The following ACSBG1 variants were observed in gnomAD, a reference collection of about 807,000 sequenced individuals.
ACSBG1 encodes the protein long-chain-fatty-acid--CoA ligase ACSBG1.
A neutral mutation model predicts 80.2 loss-of-function variants in ACSBG1; 39 were observed. The ratio of observed to expected loss-of-function variants is 0.49; its 90% CI spans 0.38 to 0.64. The LOEUF (loss-of-function observed/expected upper bound fraction) is 0.64. Among genes scored for constraint, ACSBG1 ranks in the 30% least tolerant of loss-of-function variants. The probability of loss-of-function intolerance (pLI) is 0.00; values close to 1 mark genes in which losing one functional copy is unlikely to be tolerated. For missense variants in ACSBG1, 828 were observed against 966.4 expected (o/e 0.86, Z 1.90); for synonymous variants, 392 against 379.5 (o/e 1.03, Z -0.38).
chr15:78,206,454 G>C (rs562540849), intron 2 of ACSBG1, among the ~76,000 whole-genome samples: 4 of 152,132 alleles, frequency 2.6e-5, no homozygotes, highest in Non-Finnish European at 5.9e-5. Context: ...AAGATTGTCC[G>C]TCTCAGTCTC....
rs531560871 is a variant in ACSBG1, at chr15:78,180,484, A to G, written c.1253+271T>C. 6.2e-4 allele frequency among the ~76,000 whole-genome samples: 94 copies of G among 152,320 alleles called. 1 individual carries two copies. The highest frequency in any genetic ancestry group is 2.1e-3 in the African/African-American group (89 of 41,578). On this transcript the variant is annotated intron_variant, in intron 9 of 13. Coordinates refer to ENST00000258873, the MANE Select transcript of ACSBG1 (RefSeq NM_015162.5). ...TCAGGAGACCTCAGGAGATTGTGCC[A>G]GAAGCTGCTCCTAGGGAGGTGAATT...
At chr15:78,190,128 A>T (rs1286324760) in intron 5 of ACSBG1, among the ~76,000 whole-genome samples, 1 of 152,054 alleles carries the variant, frequency 6.6e-6, no homozygotes, top group East Asian at 1.9e-4. Flanking sequence ...ACTCAGCTGG[A>T]CTGGGTGCAG....
At chr15:78,209,302 C>A (rs1004095749) in intron 1 of ACSBG1, 2 of 445,022 alleles carry the variant, frequency 4.5e-6, no homozygotes, top group African/African-American at 2.0e-5. Context: ...GGGAGGGGGA[C>A]GGGGAGAAGG....
intron 1 of ACSBG1, among the ~76,000 whole-genome samples, chr15:78,227,508 C>A (rs1420807439): frequency 6.6e-6 from 1 of 152,108 alleles, no homozygotes; most frequent in Non-Finnish European, 1.5e-5. Flanking sequence ...AGCAAGATAT[C>A]ACTATTCACC....
chr15:78,195,855 G>A (rs1021467698), intron 2 of ACSBG1, among the ~76,000 whole-genome samples: 4 of 152,140 alleles, frequency 2.6e-5, no homozygotes, highest in African/African-American at 4.8e-5. Context: ...GACCCACCTC[G>A]CCTATTCTCC....
intron 1 of ACSBG1, among the ~76,000 whole-genome samples, chr15:78,223,076 C>T (rs868005316): frequency 5.9e-5 from 9 of 152,180 alleles, no homozygotes; most frequent in African/African-American, 1.7e-4. Flanking sequence ...GGGAAGTAAC[C>T]TATATGGCTT....
intron 9 of ACSBG1, 52 bp from the exon 10 acceptor site, chr15:78,179,832 CACACACACACAT>C (rs2074923769): frequency 2.3e-6 from 3 of 1,316,730 alleles, no homozygotes; most frequent in African/African-American, 1.4e-5. Context: ...CACACACACA[CACACACACACAT>C]ACACACATTA....
intron 5 of ACSBG1, among the ~76,000 whole-genome samples, chr15:78,190,386 A>G (rs2075046603): frequency 1.3e-5 from 2 of 150,710 alleles, no homozygotes; most frequent in African/African-American, 4.9e-5. Context: ...ACAGGGTCTA[A>G]CTCTGTCACC....
rs529815193 is a variant in ACSBG1, at chr15:78,181,943, C to T, written c.1071+26G>A. 6.0e-5 allele frequency: 97 copies of T among 1,604,686 alleles called. No individual in the cohort carries two copies. The Admixed American group carries it at 1.4e-3, about 23-fold the overall frequency. On this transcript the variant is annotated intron_variant, in intron 8 of 13. Coordinates refer to ENST00000258873, the MANE Select transcript of ACSBG1 (RefSeq NM_015162.5). Reference sequence around the variant, plus strand: ...ACGTGGCCTGGCACACGGGCTCAGACGGACACACGGTAAAGGCAGACTGAC... The same window carrying T: ...ACGTGGCCTGGCACACGGGCTCAGATGGACACACGGTAAAGGCAGACTGAC...
At chr15:78,209,495 G>A (rs995375986) in intron 1 of ACSBG1, among the ~76,000 whole-genome samples, 1 of 152,322 alleles carries the variant, frequency 6.6e-6, no homozygotes, top group East Asian at 1.9e-4. Context: ...AGACAGAGGC[G>A]TGTGAATGCT....
chr15:78,198,351 C>G (rs1016066003), intron 2 of ACSBG1, among the ~76,000 whole-genome samples: 1 of 144,204 alleles, frequency 6.9e-6, no homozygotes, highest in African/African-American at 2.6e-5. Context: ...ACTATAATCT[C>G]TTTTTTTGTT....
intron 5 of ACSBG1, among the ~76,000 whole-genome samples, chr15:78,183,068 A>G (rs2074965356): frequency 6.6e-6 from 1 of 152,222 alleles, no homozygotes; most frequent in African/African-American, 2.4e-5. Flanking sequence ...ATCCAGCCAC[A>G]CAATGGAGTA....
rs779684485 is a variant in ACSBG1, at chr15:78,177,346, TC to T, written c.1702+1267del. ...CATAGACCTCTCATAGACAGTCACT[TC>T]ATAAAGGACAAAGGTATCACTGCAA... On this transcript the variant is annotated intron_variant, in intron 11 of 13. Transcript: ENST00000258873. The surrounding 1 kb of genome is among the most constrained non-coding windows in gnomAD (Gnocchi z 4.1). 2.0e-5 allele frequency among the ~76,000 whole-genome samples: 3 copies of T among 152,192 alleles called. No homozygotes were observed. The highest frequency in any genetic ancestry group is 2.9e-5 in the Non-Finnish European group (2 of 68,044).
chr15:78,173,880 AC>A, intron 12 of ACSBG1, 41 bp from the exon 13 acceptor site: 2 of 1,595,914 alleles, frequency 1.3e-6, no homozygotes, highest in Non-Finnish European at 1.7e-6. Context: ...GCCTTACCCA[AC>A]AAGACGTAAG....
chr15:78,197,395 T>C (rs1196413407), intron 2 of ACSBG1, among the ~76,000 whole-genome samples: 1 of 152,086 alleles, frequency 6.6e-6, no homozygotes, highest in Non-Finnish European at 1.5e-5. Flanking sequence ...TCATGGCATA[T>C]AAATTATAGC....
intron 1 of ACSBG1, among the ~76,000 whole-genome samples, chr15:78,228,164 C>T (rs1293066402): frequency 6.6e-6 from 1 of 152,154 alleles, no homozygotes. Context: ...AGCACCTTCC[C>T]AGCCCTGTTC....
intron 1 of ACSBG1, among the ~76,000 whole-genome samples, chr15:78,211,962 G>A (rs1328461739): frequency 6.6e-6 from 1 of 152,134 alleles, no homozygotes; most frequent in African/African-American, 2.4e-5. Flanking sequence ...ACTTACTGTT[G>A]GAGCTCAGTA....
intron 1 of ACSBG1, among the ~76,000 whole-genome samples, chr15:78,215,747 AAAGAAAGAAAGAAAG>A (rs1263818065): frequency 7.7e-6 from 1 of 130,602 alleles, no homozygotes; most frequent in African/African-American, 2.6e-5. Context: ...AGAAAGAAAG[AAAGAAAGAAAGAAAG>A]AAAGAAAGAA....
intron 1 of ACSBG1, among the ~76,000 whole-genome samples, chr15:78,219,145 G>A (rs1359641764): frequency 6.6e-6 from 1 of 152,152 alleles, no homozygotes; most frequent in Non-Finnish European, 1.5e-5. Context: ...TGCACTGCCT[G>A]AATTTAGGTG....
Sources: gnomAD v4.1 joint callset for allele counts (sites outside exome capture counted in the v4.1 genomes callset) on GRCh38, gnomAD v4.1.1 for gene constraint, Gnocchi (gnomAD v3.1) non-coding constraint, MANE v1.5 for transcripts, NCBI Gene and HGNC (gene_info 2026-07-23, HGNC 2026-07-21) for gene names.